The following C1orf185 variants were observed in gnomAD, a reference collection of about 807,000 sequenced individuals.
C1orf185 encodes chromosome 1 open reading frame 185, also known as uncharacterized protein C1orf185.
Under a neutral mutation model 16.1 loss-of-function variants are expected in C1orf185, and 13 were observed. The observed-to-expected ratio is 0.81, with a 90% CI of 0.53 to 1.28. The LOEUF is 1.28. Among genes scored for constraint, C1orf185 ranks in the 50% most tolerant of loss-of-function variants. The probability of loss-of-function intolerance (pLI) is 0.00; values close to 1 mark genes in which losing one functional copy is unlikely to be tolerated. For synonymous variants in C1orf185, 80 were observed against 76.9 expected (o/e 1.04, Z -0.21); for missense variants, 220 against 225.2 (o/e 0.98, Z 0.15).
At chr1:51,148,677 A>G (rs1462171192), downstream of C1orf185, among the ~76,000 whole-genome samples, 4 of 152,188 alleles carry the variant, frequency 2.6e-5, no homozygotes, top group Non-Finnish European at 1.5e-5. Context: ...CTGTAGTCCC[A>G]GCAGTTTAGG....
rs944087590 is a variant in C1orf185, at chr1:51,115,197, G to C, written c.122+2628G>C. 2.7e-4 allele frequency among the ~76,000 whole-genome samples: 41 copies of C among 152,054 alleles called. 1 individual carries two copies. The highest frequency in any genetic ancestry group is 9.9e-4 in the African/African-American group (41 of 41,378). On this transcript the variant is annotated intron_variant, in intron 2 of 4. Transcript: ENST00000371759. ...TACTAAAAGTACAAAAATTAATCGG[G>C]CATGGTCGTTCATGCCTGTAATCCC...
intron 3 of C1orf185, among the ~76,000 whole-genome samples, chr1:51,134,991 C>T (rs1346986376): frequency 6.6e-6 from 1 of 152,024 alleles, no homozygotes; most frequent in Non-Finnish European, 1.5e-5. Flanking sequence ...CTCCCTGACT[C>T]ATTCTATGAG....
At chr1:51,139,227 C>T (rs1265544778) in intron 3 of C1orf185, among the ~76,000 whole-genome samples, 1 of 151,998 alleles carries the variant, frequency 6.6e-6, no homozygotes, top group African/African-American at 2.4e-5. Flanking sequence ...CTCAGCCTCC[C>T]GAATAGCTGG....
intron 3 of C1orf185, among the ~76,000 whole-genome samples, chr1:51,143,141 T>G (rs1646377082): frequency 6.6e-6 from 1 of 152,186 alleles, no homozygotes; most frequent in Non-Finnish European, 1.5e-5. Flanking sequence ...TTTGCCACAC[T>G]GTATTATTTC....
Position 51,128,513 on chromosome 1 carries a change from G to A in C1orf185, c.258+9712G>A, listed in dbSNP as rs115981772. ...TCAAGACCAGCCTGGCCAGTATGGC[G>A]AAATCCCATCTCTACTGAAAATAAA... On this transcript the variant is annotated intron_variant, in intron 3 of 4. Coordinates refer to ENST00000371759, the MANE Select transcript of C1orf185 (RefSeq NM_001136508.2). 6.9e-3 allele frequency among the ~76,000 whole-genome samples: 1,042 copies of A among 152,112 alleles called. 14 individuals are homozygous for A. Among genetic ancestry groups the A allele is most frequent in the African/African-American group, 0.024 (998 of 41,512 alleles).
intron 3 of C1orf185, 90 bp from the exon 4 acceptor site, chr1:51,145,634 T>C (rs985721403): frequency 4.9e-5 from 31 of 626,934 alleles, no homozygotes; most frequent in Non-Finnish European, 7.4e-5. Flanking sequence ...ATTATAATGT[T>C]AAACTGTATT....
chr1:51,115,115 C>T (rs1027276788), intron 2 of C1orf185, among the ~76,000 whole-genome samples: 2 of 152,076 alleles, frequency 1.3e-5, no homozygotes, highest in African/African-American at 4.8e-5. Context: ...GAGGCTGAGG[C>T]GGGCAGATCT....
At chr1:51,146,796 A>G (rs1321593302) in intron 4 of C1orf185, among the ~76,000 whole-genome samples, 1 of 152,138 alleles carries the variant, frequency 6.6e-6, no homozygotes, top group Admixed American at 6.5e-5. Context: ...ATAGAAGTAT[A>G]TCAAAATGCT....
chr1:51,106,064 A>C (rs929989451), intron 1 of C1orf185, among the ~76,000 whole-genome samples: 1 of 152,152 alleles, frequency 6.6e-6, no homozygotes, highest in Non-Finnish European at 1.5e-5. Flanking sequence ...CGTAATAGAG[A>C]ATTTTTAAGG....
At chr1:51,144,763 G>A (rs1646388096) in intron 3 of C1orf185, among the ~76,000 whole-genome samples, 1 of 152,164 alleles carries the variant, frequency 6.6e-6, no homozygotes, top group South Asian at 2.1e-4. Context: ...TCCTAAATAA[G>A]CTTTTTTGGG....
intron 1 of C1orf185, among the ~76,000 whole-genome samples, chr1:51,112,132 G>A (rs61782425): frequency 6.6e-6 from 1 of 151,060 alleles, no homozygotes; most frequent in African/African-American, 2.4e-5. Context: ...TGATACGGGA[G>A]GGGAAAAAAA....
At chr1:51,108,457 A>G (rs1160197442) in intron 1 of C1orf185, among the ~76,000 whole-genome samples, 1 of 152,114 alleles carries the variant, frequency 6.6e-6, no homozygotes, top group Non-Finnish European at 1.5e-5. Context: ...TCTTCTAGCT[A>G]TTTTGAAATA....
intron 3 of C1orf185, among the ~76,000 whole-genome samples, chr1:51,135,816 G>A (rs143651171): frequency 1.3e-5 from 2 of 152,204 alleles, no homozygotes; most frequent in Non-Finnish European, 2.9e-5. Context: ...GGGCAATCAG[G>A]CAAGAAAAAG....
chr1:51,127,296 T>A (rs1646248497), intron 3 of C1orf185, among the ~76,000 whole-genome samples: 1 of 152,098 alleles, frequency 6.6e-6, no homozygotes, highest in Admixed American at 6.6e-5. Flanking sequence ...TGTCATTTTT[T>A]TTTTTGTGTG....
chr1:51,135,835 A>G (rs551155044), intron 3 of C1orf185, among the ~76,000 whole-genome samples: 220 of 152,264 alleles, frequency 1.4e-3, no homozygotes, highest in Non-Finnish European at 2.5e-3. Context: ...AGAAATAAAG[A>G]GCATCCAAAT....
At chr1:51,117,048 T>C (rs1018027063) in intron 2 of C1orf185, among the ~76,000 whole-genome samples, 1 of 152,102 alleles carries the variant, frequency 6.6e-6, no homozygotes, top group South Asian at 2.1e-4. Context: ...GTTATTAATG[T>C]CTGTCTTCTT....
chr1:51,128,138 C>T (rs1267432052), intron 3 of C1orf185, among the ~76,000 whole-genome samples: 1 of 152,054 alleles, frequency 6.6e-6, no homozygotes, highest in African/African-American at 2.4e-5. Flanking sequence ...ATCTACCCAC[C>T]TTGGCCTCCC....
chr1:51,131,944 C>T (rs766443827), intron 3 of C1orf185, among the ~76,000 whole-genome samples: 29 of 152,132 alleles, frequency 1.9e-4, no homozygotes, highest in Non-Finnish European at 3.5e-4. Flanking sequence ...AAAGTCAGGG[C>T]CCAGTGCAAG....
At position 51,111,813 on chromosome 1, in the gene C1orf185, C is replaced by A. The variant is rs540729488; in HGVS notation, c.17-651C>A. ...GGGATTACAGGCGTGAGCCACGGCG[C>A]CCTGCCCCTGGTTAATTGTTTTTTA... On this transcript the variant is annotated intron_variant, in intron 1 of 4. Transcript: ENST00000371759. Among the ~76,000 whole-genome samples, 7 of 152,302 alleles carry A rather than the reference C, an allele frequency of 4.6e-5. No homozygotes were observed. The South Asian group carries it at 1.5e-3, about 32-fold the overall frequency.
Sources: gnomAD v4.1 joint callset for allele counts (sites outside exome capture counted in the v4.1 genomes callset) on GRCh38, gnomAD v4.1.1 for gene constraint, MANE v1.5 for transcripts, NCBI Gene and HGNC (gene_info 2026-07-23, HGNC 2026-07-21) for gene names.